Variants in CAGE1 observed in about 807,000 individuals in gnomAD.
CAGE1 encodes the protein cancer-associated gene 1 protein.
In CAGE1, 66 loss-of-function variants were observed where a neutral mutation model predicts 94.9. The ratio of observed to expected loss-of-function variants is 0.70; its 90% CI spans 0.57 to 0.85. The LOEUF (loss-of-function observed/expected upper bound fraction) is 0.85. Among genes scored for constraint, CAGE1 ranks in the 40% least tolerant of loss-of-function variants. The pLI, the probability that CAGE1 is intolerant of heterozygous loss-of-function variation, is 0.00. For missense variants in CAGE1, 865 were observed against 950.4 expected (o/e 0.91, Z 1.18); for synonymous variants, 319 against 321.0 (o/e 0.99, Z 0.07).
intron 7 of CAGE1, among the ~76,000 whole-genome samples, chr6:7,366,644 C>G (rs922958916): frequency 1.3e-5 from 2 of 152,160 alleles, no homozygotes; most frequent in Non-Finnish European, 2.9e-5. Context: ...CAACTCATTG[C>G]TGGGGGAACG....
At chr6:7,334,189 A>C (rs879649202) in intron 11 of CAGE1, 99 bp from the exon 12 acceptor site, 33 of 674,526 alleles carry the variant, frequency 4.9e-5, no homozygotes, top group Middle Eastern at 5.8e-4. Context: ...AAAAATAGGT[A>C]ATCTAATTAT....
At chr6:7,382,859 G>A (rs1490730362) in intron 3 of CAGE1, among the ~76,000 whole-genome samples, 6 of 152,010 alleles carry the variant, frequency 3.9e-5, no homozygotes, top group South Asian at 2.1e-4. Flanking sequence ...GCAGTGAGCC[G>A]AGATCGCTCC....
chr6:7,329,918 A>G, intron 12 of CAGE1, 30 bp from the exon 13 acceptor site: 1 of 1,106,582 alleles, frequency 9.0e-7, no homozygotes. Context: ...AATAATGTAA[A>G]AAGGAGGAAG....
intron 11 of CAGE1, among the ~76,000 whole-genome samples, chr6:7,345,376 G>A (rs993723869): frequency 2.7e-5 from 4 of 150,000 alleles, no homozygotes; most frequent in African/African-American, 9.8e-5. Flanking sequence ...AACATCAGAA[G>A]GAACAAACGC....
At chr6:7,387,227 TATAA>T in intron 1 of CAGE1, 31 bp from the exon 2 acceptor site, 2 of 1,377,518 alleles carry the variant, frequency 1.5e-6, no homozygotes, top group Non-Finnish European at 2.0e-6. Context: ...TATTAGTAGG[TATAA>T]ACAAAAAGTT....
At chr6:7,345,112 G>C (rs1471933763) in intron 11 of CAGE1, among the ~76,000 whole-genome samples, 3 of 151,380 alleles carry the variant, frequency 2.0e-5, no homozygotes, top group South Asian at 2.1e-4. Context: ...TCTTGTTGCT[G>C]TTTGCTCTTT....
chr6:7,368,746 T>A lies in CAGE1; in HGVS notation c.1946A>T (p.Asp649Val). Residue 649 changes from aspartate (D) to valine (V), a missense_variant, in exon 7 of 14, where the codon GAT becomes GTT. Physicochemically the swap from Asp to Val is radical, Grantham distance 152. Transcript: ENST00000502583. ...GCTCTTCAGTTTTTGCAGCATTATA[T>A]CACTAACCTTCTCACTCTCTTTGAA... ...EHFKESEKVS[D>V]IMLQKLKSLH... 6.4e-7 allele frequency: 1 copy of A among 1,561,140 alleles called. No homozygotes were observed. Among genetic ancestry groups the A allele is most frequent in the Non-Finnish European group, 8.7e-7 (1 of 1,151,834 alleles).
chr6:7,334,021 C>A lies in CAGE1; in HGVS notation c.2438+1G>T. On this transcript the variant is annotated splice_donor_variant, in intron 12 of 13. Transcript: ENST00000502583. LOFTEE classifies it high-confidence loss of function. ...AATTTTAAAAATAAAGGGAAACTTA[C>A]CTTGGTTTTCTGGCTTTTTCTCTGG... The A allele has an allele frequency of 6.6e-7, 1 of 1,513,664 alleles. No homozygotes were observed. Among genetic ancestry groups the A allele is most frequent in the Non-Finnish European group, 9.0e-7 (1 of 1,115,602 alleles). The allele number at this position is 1,513,664 out of a possible 1,614,324, so 93.8% of individuals were successfully genotyped here.
chr6:7,346,042 T>C (rs559017838), intron 11 of CAGE1, among the ~76,000 whole-genome samples: 65 of 151,978 alleles, frequency 4.3e-4, no homozygotes, highest in Non-Finnish European at 7.6e-4. Context: ...ATTGTTCTGA[T>C]GATGTGTGTA....
chr6:7,369,108 A>C (rs1474794940), intron 6 of CAGE1, among the ~76,000 whole-genome samples: 2 of 151,592 alleles, frequency 1.3e-5, no homozygotes, highest in Non-Finnish European at 2.9e-5. Flanking sequence ...CCCAGGTTCA[A>C]GCTATTCTCC....
Position 7,333,373 on chromosome 6 carries a change from A to G in CAGE1, c.2438+649T>C, listed in dbSNP as rs141290166. The stretch of plus-strand genomic sequence containing the variant: ...AATGTTACTGTAAGAAAATATGGTG[A>G]TAAAATACAGAGCAGGGCAAGTAGT... On this transcript the variant is annotated intron_variant, in intron 12 of 13. Coordinates refer to ENST00000502583, the MANE Select transcript of CAGE1 (RefSeq NM_001170692.2). 4.3e-3 allele frequency among the ~76,000 whole-genome samples: 659 copies of G among 152,272 alleles called. 1 individual carries two copies. The highest frequency in any genetic ancestry group is 0.014 in the African/African-American group (579 of 41,542).
At chr6:7,329,094 G>T (rs1758647798) in intron 13 of CAGE1, 2 of 291,530 alleles carry the variant, frequency 6.9e-6, no homozygotes, top group Non-Finnish European at 1.3e-5. Context: ...ACAACATCTG[G>T]CTAATTTTCT....
At chr6:7,388,565 C>G (rs1032739270) in intron 1 of CAGE1, among the ~76,000 whole-genome samples, 1 of 152,176 alleles carries the variant, frequency 6.6e-6, no homozygotes, top group Non-Finnish European at 1.5e-5. Flanking sequence ...CCAGTGCTGT[C>G]TACACAGCAA....
intron 11 of CAGE1, among the ~76,000 whole-genome samples, chr6:7,344,855 C>G (rs899258685): frequency 6.6e-6 from 1 of 152,158 alleles, no homozygotes; most frequent in African/African-American, 2.4e-5. Flanking sequence ...CTGGTGGGGC[C>G]TTGGAGAACC....
At chr6:7,347,515 T>TGGGGGGGGGG (rs1561853738) in intron 11 of CAGE1, 2 of 15,348 alleles carry the variant, frequency 1.3e-4, no homozygotes, top group African/African-American at 3.2e-4. Context: ...GGGGGGGGGG[T>TGGGGGGGGGG]TGGGGGGGGC....
chr6:7,343,690 G>A (rs1377616373), intron 11 of CAGE1, among the ~76,000 whole-genome samples: 1 of 152,136 alleles, frequency 6.6e-6, no homozygotes, highest in Admixed American at 6.5e-5. Context: ...AGATTTTGAT[G>A]AGTGACTTCA....
At chr6:7,342,197 C>T in intron 11 of CAGE1, 2 of 941,312 alleles carry the variant, frequency 2.1e-6, no homozygotes, top group South Asian at 2.6e-5. Flanking sequence ...CCATATCTGA[C>T]ATCACCCCTA....
intron 9 of CAGE1, among the ~76,000 whole-genome samples, chr6:7,356,981 G>T (rs1019173800): frequency 6.6e-6 from 1 of 152,048 alleles, no homozygotes; most frequent in African/African-American, 2.4e-5. Context: ...ATTTTTAGTC[G>T]AGATGGGGTT....
chr6:7,343,634 ACT>A (rs1292243428), intron 11 of CAGE1, among the ~76,000 whole-genome samples: 1 of 152,168 alleles, frequency 6.6e-6, no homozygotes, highest in Non-Finnish European at 1.5e-5. Flanking sequence ...TTCTTCCAGG[ACT>A]CTGTTGGCAT....
Sources: allele counts gnomAD v4.1 joint callset (sites outside exome capture counted in the v4.1 genomes callset), GRCh38; gene constraint gnomAD v4.1.1; transcripts MANE v1.5; gene names NCBI Gene and HGNC (gene_info 2026-07-23, HGNC 2026-07-21).